Variants in ASXL2 observed in about 807,000 individuals in gnomAD.
ASXL2 encodes the protein ASXL transcriptional regulator 2, also known as putative Polycomb group protein ASXL2.
A neutral mutation model predicts 122.0 loss-of-function variants in ASXL2; 23 were observed. The observed-to-expected ratio is 0.19, with a 90% confidence interval of 0.14 to 0.27. The LOEUF (loss-of-function observed/expected upper bound fraction) is 0.27, where lower values mean the gene tolerates loss of function less well. ASXL2 is among the 10% of genes least tolerant of loss of function. The pLI is 1.00. For missense variants in ASXL2, 1,518 were observed against 1,713.8 expected (o/e 0.89, Z 2.02); for synonymous variants, 650 against 637.0 (o/e 1.02, Z -0.31).
rs1287122526 is a variant in ASXL2, at chr2:25,736,790, C to G, written c.*5239G>C. ...GTTTTATGGGTCATCAAGATACACT[C>G]TCGAAAATCTGACCTTAACAATTTT... On this transcript the variant is annotated 3_prime_UTR_variant, in exon 13 of 13. Transcript: ENST00000435504. 1 of 152,180 alleles carries G rather than the reference C, an allele frequency of 6.6e-6. No individual in the cohort carries two copies. Among genetic ancestry groups the G allele is most frequent in the Non-Finnish European group, 1.5e-5 (1 of 68,032 alleles). 9.4% of individuals were successfully genotyped at this position (152,180 alleles called of 1,614,324 possible).
intron 1 of ASXL2, among the ~76,000 whole-genome samples, chr2:25,850,001 G>A (rs910468792): frequency 1.7e-4 from 26 of 152,092 alleles, no homozygotes; most frequent in Non-Finnish European, 3.2e-4. Flanking sequence ...CCAAATGAGA[G>A]AGAACATTAC....
intron 1 of ASXL2, among the ~76,000 whole-genome samples, chr2:25,849,006 T>C (rs1371484404): frequency 1.5e-5 from 2 of 132,338 alleles, no homozygotes; most frequent in African/African-American, 3.0e-5. Context: ...GATCACACCA[T>C]TGCGCTCCAA....
At chr2:25,810,314 AGT>A in intron 3 of ASXL2, 1 of 654,006 alleles carries the variant, frequency 1.5e-6, no homozygotes, top group South Asian at 1.4e-5. Context: ...CCTATTCTGC[AGT>A]GTGTTTAGCT....
intron 2 of ASXL2, among the ~76,000 whole-genome samples, chr2:25,838,660 T>G (rs984504829): frequency 9.2e-5 from 14 of 152,184 alleles, no homozygotes; most frequent in Admixed American, 5.9e-4. Context: ...ACTGGGGCAC[T>G]AGGTGCTCTT....
At chr2:25,822,694 G>A (rs375344139) in intron 3 of ASXL2, 3 of 712,612 alleles carry the variant, frequency 4.2e-6, no homozygotes, top group East Asian at 8.3e-5. Context: ...ATTGTATGTT[G>A]TTTACGAAAA....
In ASXL2 at chr2:25,788,935, A is replaced by G. The variant is rs552992066; in HGVS notation, c.403+10450T>C. Among the ~76,000 whole-genome samples, 5 of 151,894 alleles carry G rather than the reference A, an allele frequency of 3.3e-5. No individual in the cohort carries two copies. In the East Asian group the frequency reaches 9.7e-4, roughly 29 times the overall value. ...GTACCCAGTATGTTTTTTTCTTTAG[A>G]AAATTACCTAGCTTTATGATTAATC... On this transcript the variant is annotated intron_variant, in intron 5 of 12. Coordinates refer to ENST00000435504, the MANE Select transcript of ASXL2 (RefSeq NM_018263.6).
chr2:25,808,097 GA>G (rs200268327), intron 3 of ASXL2, among the ~76,000 whole-genome samples: 269 of 150,886 alleles, frequency 1.8e-3, no homozygotes, highest in African/African-American at 5.6e-3. Flanking sequence ...ATATGGGGGG[GA>G]AAAAAAACAA....
At chr2:25,870,648 TG>T (rs1163551770) in intron 1 of ASXL2, among the ~76,000 whole-genome samples, 3 of 152,020 alleles carry the variant, frequency 2.0e-5, no homozygotes, top group Admixed American at 2.0e-4. Context: ...CACTCCAGCC[TG>T]AGTGACAGAG....
At chr2:25,798,387 T>C (rs34721056) in intron 5 of ASXL2, among the ~76,000 whole-genome samples, 38,558 of 152,058 alleles carry the variant, frequency 0.25, 5,122 homozygotes, top group Non-Finnish European at 0.29. Flanking sequence ...CTTAAATGCA[T>C]ATTACTTAAG....
chr2:25,834,430 C>T (rs954961613), intron 3 of ASXL2, among the ~76,000 whole-genome samples: 70 of 152,098 alleles, frequency 4.6e-4, no homozygotes, highest in Non-Finnish European at 3.4e-4. Context: ...ACAAAATATA[C>T]CTATTTTATT....
At chr2:25,800,288 A>G (rs566286011) in intron 4 of ASXL2, among the ~76,000 whole-genome samples, 76 of 152,296 alleles carry the variant, frequency 5.0e-4, no homozygotes, top group Non-Finnish European at 7.9e-4. Context: ...ACAGAGTGAG[A>G]TCCTGTCTCA....
In ASXL2 at chr2:25,741,133, T is replaced by A. The variant is rs890067053; in HGVS notation, c.*896A>T. On this transcript the variant is annotated 3_prime_UTR_variant, in exon 13 of 13. Coordinates refer to ENST00000435504, the MANE Select transcript of ASXL2 (RefSeq NM_018263.6). ...GCTCAAATCACCCAATCACTAACAC[T>A]TTCCTGTTCATTTTATATGAGTATT... The A allele has an allele frequency of 9.6e-6, 2 of 207,772 alleles. No homozygotes were observed. The highest frequency in any genetic ancestry group is 2.0e-5 in the Non-Finnish European group (2 of 102,112). 12.9% of individuals were successfully genotyped at this position (207,772 alleles called of 1,614,324 possible).
chr2:25,804,545 TCTGA>T (rs1461022866), intron 4 of ASXL2, among the ~76,000 whole-genome samples: 3 of 152,196 alleles, frequency 2.0e-5, no homozygotes, highest in Admixed American at 6.5e-5. Flanking sequence ...GAGGAGAAAC[TCTGA>T]CTGAGAGCGA....
At position 25,827,435 on chromosome 2, in the gene ASXL2, G is replaced by C. The variant is rs375592955; in HGVS notation, c.143+8103C>G. Among the ~76,000 whole-genome samples, 319 of 152,180 alleles carry C rather than the reference G, an allele frequency of 2.1e-3. 2 individuals are homozygous for C. The highest frequency in any genetic ancestry group is 4.0e-3 in the Non-Finnish European group (275 of 68,014). ...ATTACTGAATTAATAAATAGTCTTG[G>C]TTGATTTTAGATTTAAATTTAAATT... On this transcript the variant is annotated intron_variant, in intron 3 of 12. Coordinates refer to ENST00000435504, the MANE Select transcript of ASXL2 (RefSeq NM_018263.6).
chr2:25,763,452 T>C, intron 8 of ASXL2, among the ~76,000 whole-genome samples: 1 of 151,470 alleles, frequency 6.6e-6, no homozygotes, highest in East Asian at 1.9e-4. Flanking sequence ...ATCACGCCAC[T>C]GCACTCCAGC....
intron 8 of ASXL2, among the ~76,000 whole-genome samples, chr2:25,766,923 T>TTTG (rs1169932201): frequency 1.3e-5 from 2 of 152,186 alleles, no homozygotes; most frequent in Non-Finnish European, 2.9e-5. Flanking sequence ...CTGTAATACA[T>TTTG]TGTATCTCCA....
At chr2:25,764,077 A>G (rs2088298935) in intron 8 of ASXL2, among the ~76,000 whole-genome samples, 1 of 152,240 alleles carries the variant, frequency 6.6e-6, no homozygotes, top group Admixed American at 6.5e-5. Context: ...AACAGTGTCT[A>G]AGAGGTAAAT....
chr2:25,799,585 C>A (rs757227796), intron 4 of ASXL2, 50 bp from the exon 5 acceptor site: 4 of 1,539,502 alleles, frequency 2.6e-6, no homozygotes, highest in Non-Finnish European at 1.7e-6. Flanking sequence ...TTTAAGCAAA[C>A]AGAAATTAAA....
intron 5 of ASXL2, among the ~76,000 whole-genome samples, chr2:25,785,524 C>T (rs892798411): frequency 6.6e-6 from 1 of 151,770 alleles, no homozygotes; most frequent in African/African-American, 2.4e-5. Flanking sequence ...TGTGCCCACC[C>T]CCCAAACCTT....
Sources: gnomAD v4.1 joint callset for allele counts (sites outside exome capture counted in the v4.1 genomes callset) on GRCh38, gnomAD v4.1.1 for gene constraint, MANE v1.5 for transcripts, NCBI Gene and HGNC (gene_info 2026-07-23, HGNC 2026-07-21) for gene names.